The following BTBD9 variants were observed in gnomAD, a reference collection of about 807,000 sequenced individuals.
The protein encoded by BTBD9 is BTB/POZ domain-containing protein 9.
In BTBD9, 49 loss-of-function variants were observed where a neutral mutation model predicts 64.3. That is an observed-to-expected ratio of 0.76 (90% CI 0.61 to 0.97). The LOEUF is 0.97. BTBD9 is among the 50% of genes least tolerant of loss of function. The pLI, the probability that BTBD9 is intolerant of heterozygous loss-of-function variation, is 0.00. For synonymous variants in BTBD9, 260 were observed against 274.7 expected, an observed-to-expected ratio of 0.95 and a Z score of 0.53; for missense variants, 598 against 762.1, an observed-to-expected ratio of 0.78 and a Z score of 2.53.
At chr6:38,513,743 T>C (rs1238241130) in intron 6 of BTBD9, among the ~76,000 whole-genome samples, 1 of 152,186 alleles carries the variant, frequency 6.6e-6, no homozygotes, top group Non-Finnish European at 1.5e-5. Flanking sequence ...ACCAATGCCA[T>C]GACTAGACAT....
At chr6:38,202,445 G>A (rs1035652058) in intron 9 of BTBD9, among the ~76,000 whole-genome samples, 21 of 151,930 alleles carry the variant, frequency 1.4e-4, no homozygotes, top group African/African-American at 3.4e-4. Context: ...AACCAAAAAA[G>A]AGCCAGTATA....
At chr6:38,249,700 G>C (rs1052032825) in intron 9 of BTBD9, among the ~76,000 whole-genome samples, 1 of 148,886 alleles carries the variant, frequency 6.7e-6, no homozygotes, top group Non-Finnish European at 1.5e-5. Flanking sequence ...CAACACAACT[G>C]TCTGGGAGCT....
intron 6 of BTBD9, among the ~76,000 whole-genome samples, chr6:38,565,179 A>G (rs1170839513): frequency 6.6e-6 from 1 of 152,128 alleles, no homozygotes; most frequent in Non-Finnish European, 1.5e-5. Context: ...CTTTTAATGA[A>G]AGATATTCTA....
intron 1 of BTBD9, among the ~76,000 whole-genome samples, chr6:38,624,020 T>C (rs1778088003): frequency 6.6e-6 from 1 of 152,162 alleles, no homozygotes; most frequent in Non-Finnish European, 1.5e-5. Context: ...TTGGGTGTCC[T>C]GTTTAGAGGG....
At chr6:38,445,354 A>C (rs1371116081) in intron 6 of BTBD9, among the ~76,000 whole-genome samples, 2 of 152,198 alleles carry the variant, frequency 1.3e-5, no homozygotes, top group Non-Finnish European at 2.9e-5. Flanking sequence ...TTTTCTGTTG[A>C]CTATCCTCAT....
chr6:38,400,939 G>A (rs940103593), intron 6 of BTBD9, among the ~76,000 whole-genome samples: 3 of 152,050 alleles, frequency 2.0e-5, no homozygotes, highest in African/African-American at 7.2e-5. Context: ...TTTAAACCAG[G>A]CTAATTACTT....
At position 38,183,181 on chromosome 6, in the gene BTBD9, C is replaced by T. The variant is rs564349576; in HGVS notation, c.1642-7999G>A. Among the ~76,000 whole-genome samples the T allele has an allele frequency of 3.6e-3, 550 of 152,220 alleles. 1 individual carries two copies. Among genetic ancestry groups the T allele is most frequent in the Non-Finnish European group, 5.7e-3 (386 of 68,012 alleles). On this transcript the variant is annotated intron_variant, in intron 10 of 10. Coordinates refer to ENST00000481247, the MANE Select transcript of BTBD9 (RefSeq NM_001099272.2). ...TCTTTTAGTAGAGATGGGGTTTCAC[C>T]GTGTTAGCCAGGATGGTCTCGATCT...
At chr6:38,415,478 G>C (rs763889840) in intron 6 of BTBD9, among the ~76,000 whole-genome samples, 8 of 152,112 alleles carry the variant, frequency 5.3e-5, no homozygotes, top group Non-Finnish European at 1.0e-4. Flanking sequence ...ATGACATCTT[G>C]ATTTTAGCCC....
At chr6:38,309,865 C>T (rs1301351716) in intron 7 of BTBD9, among the ~76,000 whole-genome samples, 1 of 151,380 alleles carries the variant, frequency 6.6e-6, no homozygotes, top group Non-Finnish European at 1.5e-5. Flanking sequence ...AAAAGTAGTA[C>T]TAACAGTGAG....
intron 6 of BTBD9, among the ~76,000 whole-genome samples, chr6:38,462,447 CA>C (rs1480654448): frequency 6.6e-6 from 1 of 152,190 alleles, no homozygotes. Flanking sequence ...TGTTGAAAAG[CA>C]GTTGTCCATA....
At chr6:38,262,836 AG>A (rs1764841215) in intron 8 of BTBD9, among the ~76,000 whole-genome samples, 1 of 152,188 alleles carries the variant, frequency 6.6e-6, no homozygotes, top group South Asian at 2.1e-4. Context: ...CCTTTTCTTA[AG>A]GGATTAATAC....
chr6:38,247,931 A>G (rs933430530), intron 9 of BTBD9, among the ~76,000 whole-genome samples: 8 of 152,226 alleles, frequency 5.3e-5, no homozygotes, highest in Admixed American at 2.0e-4. Context: ...GCTCTAGCAA[A>G]AAAAAAATTT....
intron 9 of BTBD9, among the ~76,000 whole-genome samples, chr6:38,217,268 G>T (rs1388648787): frequency 7.2e-6 from 1 of 138,744 alleles, no homozygotes; most frequent in Non-Finnish European, 1.5e-5. Flanking sequence ...GCAGTGAGCC[G>T]AGATAATGCC....
intron 2 of BTBD9, among the ~76,000 whole-genome samples, chr6:38,595,451 C>T (rs1204299972): frequency 6.6e-6 from 1 of 152,006 alleles, no homozygotes; most frequent in Non-Finnish European, 1.5e-5. Flanking sequence ...GAATTTCTAC[C>T]TCTATCAATC....
intron 6 of BTBD9, among the ~76,000 whole-genome samples, chr6:38,500,982 T>C (rs1397024678): frequency 1.3e-5 from 2 of 152,200 alleles, no homozygotes; most frequent in East Asian, 3.8e-4. Context: ...ATATAGAGTA[T>C]TCATTTTCTA....
At chr6:38,343,183 AT>A (rs1764168447) in intron 7 of BTBD9, among the ~76,000 whole-genome samples, 1 of 152,152 alleles carries the variant, frequency 6.6e-6, no homozygotes, top group Admixed American at 6.5e-5. Flanking sequence ...TTTCTCTGTA[AT>A]TTTCTTTCAT....
chr6:38,275,328 A>G (rs1765346022), intron 8 of BTBD9, among the ~76,000 whole-genome samples: 1 of 151,904 alleles, frequency 6.6e-6, no homozygotes, highest in African/African-American at 2.4e-5. Flanking sequence ...CCTTCCTTAC[A>G]CCTTATACAA....
At chr6:38,262,915 G>A (rs1764844109) in intron 8 of BTBD9, among the ~76,000 whole-genome samples, 1 of 152,186 alleles carries the variant, frequency 6.6e-6, no homozygotes, top group Non-Finnish European at 1.5e-5. Context: ...CTGAATTGGT[G>A]CCTTTTAGAC....
At chr6:38,527,109 T>C (rs1211368554) in intron 6 of BTBD9, among the ~76,000 whole-genome samples, 1 of 151,446 alleles carries the variant, frequency 6.6e-6, no homozygotes, top group Non-Finnish European at 1.5e-5. Flanking sequence ...ACCCCATCTC[T>C]ACTAAAAACA....
Sources: gnomAD v4.1 joint callset for allele counts (sites outside exome capture counted in the v4.1 genomes callset) on GRCh38, gnomAD v4.1.1 for gene constraint, MANE v1.5 for transcripts, NCBI Gene and HGNC (gene_info 2026-07-23, HGNC 2026-07-21) for gene names.